Variants in DOK5 observed in about 807,000 individuals in gnomAD.
The protein encoded by DOK5 is docking protein 5.
Under a neutral mutation model 43.3 loss-of-function variants are expected in DOK5, and 27 were observed. That is an observed-to-expected ratio of 0.62 (90% CI 0.46 to 0.86). The LOEUF is 0.86. Ranked by LOEUF, DOK5 falls within the 40% of genes least tolerant of loss-of-function variation. The pLI, the probability that DOK5 is intolerant of heterozygous loss-of-function variation, is 0.00. For missense variants in DOK5, 373 were observed against 392.9 expected (o/e 0.95, Z 0.43); for synonymous variants, 146 against 140.1 (o/e 1.04, Z -0.30).
intron 5 of DOK5, 107 bp from the exon 6 acceptor site, chr20:54,610,281 A>C: frequency 1.7e-6 from 2 of 1,164,988 alleles, no homozygotes; most frequent in Non-Finnish European, 2.3e-6. Context: ...GTGAACAAGA[A>C]TAAAAAATAA....
intron 1 of DOK5, among the ~76,000 whole-genome samples, chr20:54,489,724 G>T (rs533757441): frequency 6.6e-6 from 1 of 152,092 alleles, no homozygotes; most frequent in Admixed American, 6.6e-5. Context: ...ACCTGGGTTC[G>T]AATCCAACGT....
intron 5 of DOK5, among the ~76,000 whole-genome samples, chr20:54,601,337 T>C (rs1986291788): frequency 6.6e-6 from 1 of 152,260 alleles, no homozygotes; most frequent in South Asian, 2.1e-4. Flanking sequence ...CCATTTCTTA[T>C]AACTGCTATT....
At chr20:54,494,419 G>A (rs1982309612) in intron 1 of DOK5, among the ~76,000 whole-genome samples, 1 of 152,168 alleles carries the variant, frequency 6.6e-6, no homozygotes, top group South Asian at 2.1e-4. Context: ...GACCTGTGTG[G>A]TGAGCATGGT....
chr20:54,488,733 C>T (rs968250184), intron 1 of DOK5, among the ~76,000 whole-genome samples: 1 of 147,628 alleles, frequency 6.8e-6, no homozygotes. Flanking sequence ...TGCTTATGTG[C>T]TTTTCCTCCC....
chr20:54,600,448 A>G (rs111469897), intron 5 of DOK5, among the ~76,000 whole-genome samples: 7 of 152,270 alleles, frequency 4.6e-5, no homozygotes, highest in African/African-American at 1.7e-4. Flanking sequence ...GAACTCACCA[A>G]AAGCTATTAA....
Position 54,539,011 on chromosome 20 carries a change from C to T in DOK5, c.67-15922C>T, listed in dbSNP as rs143275220. Among the ~76,000 whole-genome samples, 30 of 152,160 alleles carry T rather than the reference C, an allele frequency of 2.0e-4. No homozygotes were observed. In the East Asian group the frequency reaches 2.7e-3, roughly 14 times the overall value. ...ATCAAAGGAGAACAGGGCCGGGCACCGTGGCTTACACCTGCAATCCCAGCA... is the reference window on the plus strand; with the variant it reads ...ATCAAAGGAGAACAGGGCCGGGCACTGTGGCTTACACCTGCAATCCCAGCA... On this transcript the variant is annotated intron_variant, in intron 1 of 7. Transcript: ENST00000262593.
At chr20:54,526,541 A>G (rs1356560037) in intron 1 of DOK5, among the ~76,000 whole-genome samples, 1 of 152,086 alleles carries the variant, frequency 6.6e-6, no homozygotes, top group African/African-American at 2.4e-5. Flanking sequence ...CTTGCTGCAG[A>G]CTCTTGGTTT....
At position 54,475,607 on chromosome 20, in the gene DOK5, T is replaced by C. The variant is rs1981382541; in HGVS notation, c.-340T>C. ...TCCTCCTCCTCCTTCTTCTCCTCCTTCTCGGCCGGGAGGAGGCAGGGCTGG... is the reference window on the plus strand; with the variant it reads ...TCCTCCTCCTCCTTCTTCTCCTCCTCCTCGGCCGGGAGGAGGCAGGGCTGG... On this transcript the variant is annotated 5_prime_UTR_variant, in exon 1 of 8. Coordinates refer to ENST00000262593, the MANE Select transcript of DOK5 (RefSeq NM_018431.5). This position sits in a 1 kb window ranked among gnomAD's most constrained non-coding sequence, Gnocchi z 4.2. 2.7e-6 allele frequency: 1 copy of C among 365,014 alleles called. No individual in the cohort carries two copies. Among genetic ancestry groups the C allele is most frequent in the Non-Finnish European group, 5.0e-6 (1 of 201,960 alleles). 22.6% of individuals were successfully genotyped at this position (365,014 alleles called of 1,614,324 possible).
chr20:54,532,801 G>A (rs1010392516), intron 1 of DOK5, among the ~76,000 whole-genome samples: 3 of 152,190 alleles, frequency 2.0e-5, no homozygotes, highest in South Asian at 4.1e-4. Flanking sequence ...GATCTGAGTG[G>A]CATTTCCTCA....
chr20:54,594,825 A>C (rs998252783), intron 5 of DOK5, among the ~76,000 whole-genome samples: 7 of 152,206 alleles, frequency 4.6e-5, no homozygotes, highest in Admixed American at 1.3e-4. Context: ...TTAATTTTCC[A>C]GGTATAAAAT....
intron 1 of DOK5, among the ~76,000 whole-genome samples, chr20:54,501,704 G>A (rs1160211681): frequency 1.3e-5 from 2 of 152,066 alleles, no homozygotes; most frequent in Admixed American, 1.3e-4. Flanking sequence ...CCATAATTTA[G>A]AGTCTCTGTA....
intron 1 of DOK5, among the ~76,000 whole-genome samples, chr20:54,486,570 T>C (rs906920717): frequency 2.7e-5 from 4 of 150,336 alleles, no homozygotes; most frequent in African/African-American, 1.0e-4. Flanking sequence ...CACACACACA[T>C]GCACACACAC....
chr20:54,515,760 A>T (rs1983178422), intron 1 of DOK5, among the ~76,000 whole-genome samples: 1 of 152,242 alleles, frequency 6.6e-6, no homozygotes, highest in Non-Finnish European at 1.5e-5. Flanking sequence ...GGCATAGTCC[A>T]ACTAAAGAGA....
chr20:54,618,649 A>G (rs1051932395), intron 6 of DOK5, among the ~76,000 whole-genome samples: 5 of 152,162 alleles, frequency 3.3e-5, no homozygotes, highest in African/African-American at 7.2e-5. Flanking sequence ...GGCCGGTCTC[A>G]GCATTTTCAA....
At position 54,591,650 on chromosome 20, in the gene DOK5, C is replaced by G. The variant is rs1205694520; in HGVS notation, c.444C>G (p.Asn148Lys). ...ATGTGTATTTGATGCCATCTCCTAACTTAGATGTACATGGCGAATGTGCCT... is the reference window on the plus strand; with the variant it reads ...ATGTGTATTTGATGCCATCTCCTAAGTTAGATGTACATGGCGAATGTGCCT... ...RFNVYLMPSPNLDVHGECALQ... is the reference protein window; with the variant it reads ...RFNVYLMPSPKLDVHGECALQ... Residue 148 changes from asparagine (N) to lysine (K), a missense_variant, in exon 5 of 8, where the codon AAC becomes AAG. Coordinates refer to ENST00000262593, the MANE Select transcript of DOK5 (RefSeq NM_018431.5). The G allele has an allele frequency of 1.2e-6, 2 of 1,612,508 alleles. No individual in the cohort carries two copies. The highest frequency in any genetic ancestry group is 1.7e-5 in the Admixed American group (1 of 59,658).
intron 1 of DOK5, among the ~76,000 whole-genome samples, chr20:54,549,858 G>T (rs563034990): frequency 6.6e-6 from 1 of 152,190 alleles, no homozygotes; most frequent in South Asian, 2.1e-4. Context: ...AAAGCAAGAG[G>T]TTGCCAATAG....
chr20:54,488,618 C>A (rs1982034977), intron 1 of DOK5, among the ~76,000 whole-genome samples: 2 of 151,904 alleles, frequency 1.3e-5, no homozygotes, highest in Non-Finnish European at 2.9e-5. Flanking sequence ...ATAGAACTTA[C>A]TCTAAGAGAC....
At chr20:54,603,001 T>A (rs1568805081) in intron 5 of DOK5, among the ~76,000 whole-genome samples, 1 of 152,212 alleles carries the variant, frequency 6.6e-6, no homozygotes, top group East Asian at 1.9e-4. Context: ...CTGCTTTCAA[T>A]TTATAACAGG....
intron 5 of DOK5, among the ~76,000 whole-genome samples, chr20:54,595,627 G>A (rs1986116448): frequency 6.6e-6 from 1 of 152,128 alleles, no homozygotes. Flanking sequence ...CACAACCCAG[G>A]CCACTCAATG....
Sources: gnomAD v4.1 joint callset for allele counts (sites outside exome capture counted in the v4.1 genomes callset) on GRCh38, gnomAD v4.1.1 for gene constraint, Gnocchi (gnomAD v3.1) non-coding constraint, MANE v1.5 for transcripts, NCBI Gene and HGNC (gene_info 2026-07-23, HGNC 2026-07-21) for gene names.